Variants in EML6 observed in about 807,000 individuals in gnomAD.
EML6 encodes the protein EMAP like 6.
A neutral mutation model predicts 240.1 loss-of-function variants in EML6; 154 were observed. The observed-to-expected ratio is 0.64, with a 90% CI of 0.56 to 0.73. The LOEUF is 0.73. Among genes scored for constraint, EML6 ranks in the 30% least tolerant of loss-of-function variants. EML6 has a pLI of 0.00. For synonymous variants in EML6, 1,148 were observed against 899.0 expected, an observed-to-expected ratio of 1.28 and a Z score of -4.95; for missense variants, 2,964 against 2,474.6, an observed-to-expected ratio of 1.20 and a Z score of -4.20.
intron 29 of EML6, among the ~76,000 whole-genome samples, 197 bp downstream of exon 29, chr2:54,949,157 C>G (rs1675840574): frequency 6.6e-6 from 1 of 152,090 alleles, no homozygotes; most frequent in African/African-American, 2.4e-5. Context: ...GTATCGTATT[C>G]CTGCTTCCCC....
intron 16 of EML6, among the ~76,000 whole-genome samples, chr2:54,875,396 G>A (rs1461704380): frequency 6.6e-6 from 1 of 152,186 alleles, no homozygotes; most frequent in African/African-American, 2.4e-5. Context: ...CAACAGTTAC[G>A]ATTTAGCTAG....
intron 2 of EML6, among the ~76,000 whole-genome samples, chr2:54,769,165 C>T (rs1668309192): frequency 1.3e-5 from 2 of 152,202 alleles, no homozygotes; most frequent in Admixed American, 6.5e-5. Flanking sequence ...ATGAGCCAGT[C>T]TGGCTGCAGT....
chr2:54,907,934 AGATAGATAGATAAGATAGATAGAT>A (rs1490244887), intron 24 of EML6, among the ~76,000 whole-genome samples: 1,010 of 51,966 alleles, frequency 0.019, 8 homozygotes, highest in African/African-American at 0.048. Context: ...ATAGATAGAT[AGATAGATAGATAAGATAGATAGAT>A]AGATAGATAG....
rs528693754 is a variant in EML6, at chr2:54,869,170, C to A, written c.2052-11C>A. ...TTCAACCACTATGCATTTCTTGGAC[C>A]TGTGCTTCAGTTATAGAGGCTACGA... is the stretch of plus-strand genomic sequence containing the variant. On this transcript the variant is annotated splice_polypyrimidine_tract_variant and intron_variant, in intron 14 of 41. Coordinates refer to ENST00000356458, the MANE Select transcript of EML6 (RefSeq NM_001039753.4). The A allele has an allele frequency of 2.7e-5, 41 of 1,537,304 alleles. No individual in the cohort carries two copies. The South Asian group carries it at 4.8e-4, about 18-fold the overall frequency.
chr2:54,833,220 T>G (rs1370465876), intron 7 of EML6, among the ~76,000 whole-genome samples: 1 of 152,226 alleles, frequency 6.6e-6, no homozygotes, highest in East Asian at 1.9e-4. Flanking sequence ...AAGATCACAC[T>G]TAGTGTGCCA....
intron 2 of EML6, among the ~76,000 whole-genome samples, chr2:54,796,647 T>A (rs1318688976): frequency 1.3e-5 from 2 of 152,116 alleles, no homozygotes; most frequent in Non-Finnish European, 2.9e-5. Context: ...TAAGTGACTG[T>A]TAGTTCAGTG....
At position 54,831,470 on chromosome 2, in the gene EML6, A is replaced by C. The variant is rs572354490; in HGVS notation, c.847+1993A>C. On this transcript the variant is annotated intron_variant, in intron 7 of 41. Transcript: ENST00000356458. ...GTGTGGTACTGATCACATCAGCCCC[A>C]CAGCCAACTCCCATCTACAGAGTTA... Among the ~76,000 whole-genome samples, 8 of 152,146 alleles carry C rather than the reference A, an allele frequency of 5.3e-5. No individual in the cohort carries two copies. The East Asian group carries it at 1.5e-3, about 29-fold the overall frequency.
chr2:54,846,426 G>C (rs1669756525), intron 8 of EML6, among the ~76,000 whole-genome samples: 1 of 151,066 alleles, frequency 6.6e-6, no homozygotes, highest in Non-Finnish European at 1.5e-5. Context: ...TATATATTGA[G>C]AGATATATAT....
At chr2:54,923,020 C>A (rs975263127) in intron 26 of EML6, among the ~76,000 whole-genome samples, 1 of 146,848 alleles carries the variant, frequency 6.8e-6, no homozygotes, top group Admixed American at 7.1e-5. Flanking sequence ...GGGCTCACCG[C>A]AACCTCTGCC....
At chr2:54,965,168 C>T (rs1260088424) in intron 38 of EML6, among the ~76,000 whole-genome samples, 1 of 152,158 alleles carries the variant, frequency 6.6e-6, no homozygotes, top group African/African-American at 2.4e-5. Flanking sequence ...GAAAGCTCAT[C>T]CCTGGGTCCC....
intron 28 of EML6, among the ~76,000 whole-genome samples, chr2:54,947,087 C>T (rs1311591635): frequency 1.3e-5 from 2 of 152,048 alleles, no homozygotes; most frequent in South Asian, 2.1e-4. Flanking sequence ...TGTGTTTATC[C>T]TCAAATAATG....
chr2:54,806,734 G>C (rs1309360434), intron 2 of EML6, among the ~76,000 whole-genome samples: 1 of 150,876 alleles, frequency 6.6e-6, no homozygotes, highest in African/African-American at 2.4e-5. Context: ...TATAGTGCTA[G>C]GTTTTAAGTG....
chr2:54,839,686 C>G (rs921922580), intron 7 of EML6, among the ~76,000 whole-genome samples: 6 of 152,200 alleles, frequency 3.9e-5, no homozygotes, highest in Admixed American at 3.3e-4. Context: ...AAGGGAAATG[C>G]AGCAGTGGGA....
At chr2:54,833,188 T>G (rs559813090) in intron 7 of EML6, among the ~76,000 whole-genome samples, 18 of 152,218 alleles carry the variant, frequency 1.2e-4, no homozygotes, top group Non-Finnish European at 2.2e-4. Context: ...TACTAGTGTT[T>G]AGGAATCTGA....
At position 54,892,488 on chromosome 2, in the gene EML6, A is replaced by T; in HGVS notation, c.2574A>T (p.Gly858=). ...TCACTTCTAAAAGAGGAACTTTTGG[A>T]AGCGTTGGAAAATTGGAAACAATGA... The part of the protein sequence containing the change: ...GGFTSKRGTF[G]SVGKLETMMC... Residue 858 remains glycine (G), a synonymous_variant, in exon 19 of 42, where the codon GGA becomes GGT. Transcript: ENST00000356458. 1 of 1,551,416 alleles carries T rather than the reference A, an allele frequency of 6.4e-7. No homozygotes were observed. Among genetic ancestry groups the T allele is most frequent in the Non-Finnish European group, 8.7e-7 (1 of 1,146,766 alleles).
chr2:54,729,085 A>C (rs1417511941), intron 2 of EML6, among the ~76,000 whole-genome samples: 1 of 152,184 alleles, frequency 6.6e-6, no homozygotes, highest in Non-Finnish European at 1.5e-5. Context: ...AATCTTAACT[A>C]TCTCATCAGT....
intron 2 of EML6, among the ~76,000 whole-genome samples, chr2:54,800,964 C>A (rs1670104977): frequency 6.6e-6 from 1 of 151,980 alleles, no homozygotes; most frequent in Non-Finnish European, 1.5e-5. Context: ...ATAAAGTTAC[C>A]CTTCATGTTA....
chr2:54,785,070 C>G (rs1402028402), intron 2 of EML6, among the ~76,000 whole-genome samples: 1 of 152,058 alleles, frequency 6.6e-6, no homozygotes, highest in Admixed American at 6.6e-5. Context: ...TGGCACTTCA[C>G]AGGGGGTCCC....
chr2:54,833,249 G>A (rs528592342), intron 7 of EML6, among the ~76,000 whole-genome samples: 8 of 152,322 alleles, frequency 5.3e-5, no homozygotes, highest in Non-Finnish European at 1.0e-4. Flanking sequence ...GACTTCTGTT[G>A]CTCCTCCTGT....
Sources: allele counts gnomAD v4.1 joint callset (sites outside exome capture counted in the v4.1 genomes callset), GRCh38; gene constraint gnomAD v4.1.1; transcripts MANE v1.5; gene names NCBI Gene and HGNC (gene_info 2026-07-23, HGNC 2026-07-21).